Variants in PRELID2 observed in about 807,000 individuals in gnomAD.
The protein encoded by PRELID2 is PRELI domain-containing protein 2.
A neutral mutation model predicts 28.4 loss-of-function variants in PRELID2; 25 were observed. The observed-to-expected ratio is 0.88, with a 90% CI of 0.64 to 1.23. The LOEUF (loss-of-function observed/expected upper bound fraction) is 1.23. Ranked by LOEUF, PRELID2 falls within the 50% of genes most tolerant of loss-of-function variation. The pLI, the probability that PRELID2 is intolerant of heterozygous loss-of-function variation, is 0.00. For missense variants in PRELID2, 201 were observed against 214.4 expected (o/e 0.94, Z 0.39); for synonymous variants, 76 against 71.6 (o/e 1.06, Z -0.31).
intron 1 of PRELID2, among the ~76,000 whole-genome samples, chr5:145,618,592 G>A (rs923513117): frequency 1.3e-5 from 2 of 152,150 alleles, no homozygotes; most frequent in African/African-American, 2.4e-5. Flanking sequence ...GTGACAGGAA[G>A]GTGAAATGGG....
At chr5:145,717,471 AG>A (rs1755874154) in intron 1 of PRELID2, among the ~76,000 whole-genome samples, 1 of 152,080 alleles carries the variant, frequency 6.6e-6, no homozygotes, top group South Asian at 2.1e-4. Context: ...TGAAGAAAAA[AG>A]TCTTATCATA....
intron 1 of PRELID2, among the ~76,000 whole-genome samples, chr5:145,694,653 G>A (rs1247443340): frequency 6.6e-6 from 1 of 152,044 alleles, no homozygotes; most frequent in Non-Finnish European, 1.5e-5. Context: ...TTTATTTCAT[G>A]GATTCAACTT....
intron 1 of PRELID2, among the ~76,000 whole-genome samples, chr5:145,744,214 C>A (rs946561890): frequency 6.6e-6 from 1 of 152,242 alleles, no homozygotes; most frequent in African/African-American, 2.4e-5. Flanking sequence ...TGGCCACAGT[C>A]TCTGCAGACC....
intron 1 of PRELID2, among the ~76,000 whole-genome samples, chr5:145,600,195 A>G (rs1753368910): frequency 6.8e-6 from 1 of 148,058 alleles, no homozygotes; most frequent in Admixed American, 6.7e-5. Flanking sequence ...ATCATGGACC[A>G]TCAATGAAGT....
chr5:145,537,082 A>G (rs1752706207), intron 1 of PRELID2, among the ~76,000 whole-genome samples: 1 of 151,946 alleles, frequency 6.6e-6, no homozygotes, highest in African/African-American at 2.4e-5. Flanking sequence ...CGTCTTGTAA[A>G]AGAACGTTTT....
chr5:145,439,387 C>T, the PRELID2 span, among the ~76,000 whole-genome samples: 1 of 152,140 alleles, frequency 6.6e-6, no homozygotes, highest in African/African-American at 2.4e-5. Flanking sequence ...TCTAGTGGCC[C>T]TCAATTCCAG....
intron 1 of PRELID2, among the ~76,000 whole-genome samples, chr5:145,717,904 C>T (rs2149715020): frequency 6.6e-6 from 1 of 151,890 alleles, no homozygotes; most frequent in Admixed American, 6.6e-5. Context: ...TGAGTATTTT[C>T]TTCTCCATGG....
intron 1 of PRELID2, among the ~76,000 whole-genome samples, chr5:145,535,597 A>G (rs1367185956): frequency 6.6e-6 from 1 of 151,856 alleles, no homozygotes; most frequent in Non-Finnish European, 1.5e-5. Flanking sequence ...TTCAAGGAAA[A>G]TGAGTCCTCT....
chr5:145,643,822 C>T (rs1392344429), intron 1 of PRELID2, among the ~76,000 whole-genome samples: 1 of 151,972 alleles, frequency 6.6e-6, no homozygotes, highest in African/African-American at 2.4e-5. Context: ...AGTTTATTGA[C>T]TTGTGTATGT....
chr5:145,683,414 G>A (rs74864424), intron 1 of PRELID2, among the ~76,000 whole-genome samples: 4,587 of 152,214 alleles, frequency 0.03, 111 homozygotes, highest in Non-Finnish European at 0.046. Context: ...CTACAAACTG[G>A]ATGGCTTAAA....
At chr5:145,341,314 C>T in the PRELID2 span, among the ~76,000 whole-genome samples, 48 of 151,926 alleles carry the variant, frequency 3.2e-4, no homozygotes, top group Middle Eastern at 3.4e-3. Flanking sequence ...TTTAAAGATG[C>T]TTGGTGAGGT....
At chr5:145,269,790 T>A in the PRELID2 span, among the ~76,000 whole-genome samples, 1 of 149,336 alleles carries the variant, frequency 6.7e-6, no homozygotes. Flanking sequence ...AAAACAGCAT[T>A]GATAGAAATT....
the PRELID2 span, among the ~76,000 whole-genome samples, chr5:145,424,249 T>C: frequency 1.5e-4 from 23 of 152,282 alleles, no homozygotes; most frequent in Non-Finnish European, 2.8e-4. Context: ...CTCCTTGAGC[T>C]GTGGTGGGCT....
chr5:145,426,201 A>G, the PRELID2 span, among the ~76,000 whole-genome samples: 1 of 152,134 alleles, frequency 6.6e-6, no homozygotes, highest in Non-Finnish European at 1.5e-5. Context: ...TGCTTTCCTC[A>G]TGTTTCTCAT....
intron 1 of PRELID2, among the ~76,000 whole-genome samples, chr5:145,698,136 T>C (rs542263950): frequency 2.0e-5 from 3 of 152,316 alleles, no homozygotes; most frequent in African/African-American, 4.8e-5. Context: ...TATAAAGCTA[T>C]AGAAAGTTTA....
In PRELID2 at chr5:145,688,873, T is replaced by C. The variant is rs187016554; in HGVS notation, n.70+76058A>G. ...TGATCTTCAGGCTTCATTGGAATAA[T>C]GGCAAGACAATTCAGGTAGACTGAG... On this transcript the variant is annotated intron_variant and non_coding_transcript_variant, in intron 1 of 2. Transcript: ENST00000510259. Among the ~76,000 whole-genome samples, 12 of 152,308 alleles carry C rather than the reference T, an allele frequency of 7.9e-5. No homozygotes were observed. In the East Asian group the frequency reaches 2.3e-3, roughly 29 times the overall value.
chr5:145,689,263 C>T (rs1449427028), intron 1 of PRELID2, among the ~76,000 whole-genome samples: 1 of 151,846 alleles, frequency 6.6e-6, no homozygotes, highest in African/African-American at 2.4e-5. Context: ...CTGATGTCTC[C>T]AAGAGACCTC....
chr5:145,729,955 T>C (rs773217970), intron 1 of PRELID2, among the ~76,000 whole-genome samples: 35 of 152,254 alleles, frequency 2.3e-4, no homozygotes, highest in Non-Finnish European at 4.9e-4. Flanking sequence ...AAAGGGAGCA[T>C]TGCATTAAGC....
At position 145,740,511 on chromosome 5, in the gene PRELID2, T is replaced by C. The variant is rs754012905; in HGVS notation, n.70+24420A>G. 3.1e-3 allele frequency among the ~76,000 whole-genome samples: 430 copies of C among 136,584 alleles called. 16 individuals carry two copies. Among genetic ancestry groups the C allele is most frequent in the East Asian group, 2.3e-3 (11 of 4,812 alleles). The allele number at this position is 136,584 out of a possible 152,430, so 89.6% of individuals were successfully genotyped here. A position where few individuals can be genotyped will look rare whatever the true frequency, so the allele number is the denominator to read the frequency against. On this transcript the variant is annotated intron_variant and non_coding_transcript_variant, in intron 1 of 2. Coordinates refer to the PRELID2 transcript ENST00000510259. ...AATGCAATAACACTATTGAAAAGAA[T>C]CTAACTAGCATTTATAAAACATTTT...
Sources: allele counts gnomAD v4.1 joint callset (sites outside exome capture counted in the v4.1 genomes callset), GRCh38; gene constraint gnomAD v4.1.1; transcripts MANE v1.5; gene names NCBI Gene and HGNC (gene_info 2026-07-23, HGNC 2026-07-21).